The following DDIT3 variants were observed in gnomAD, a reference collection of about 807,000 sequenced individuals.
DDIT3 encodes the protein DNA damage-inducible transcript 3 protein.
In DDIT3, 14 loss-of-function variants were observed where a neutral mutation model predicts 17.6. That is an observed-to-expected ratio of 0.80 (90% confidence interval 0.53 to 1.25). DDIT3 has a LOEUF of 1.25. DDIT3 is among the 50% of genes most tolerant of loss of function. DDIT3 has a pLI of 0.00. For synonymous variants in DDIT3, 93 were observed against 76.5 expected, an observed-to-expected ratio of 1.22 and a Z score of -1.13; for missense variants, 216 against 202.7, an observed-to-expected ratio of 1.07 and a Z score of -0.40.
In DDIT3 at chr12:57,516,709, T is replaced by C. The variant is rs993628420; in HGVS notation, c.*100A>G. 6.5e-7 allele frequency: 1 copy of C among 1,539,064 alleles called. No homozygotes were observed. The highest frequency in any genetic ancestry group is 2.0e-5 in the Admixed American group (1 of 50,430). ...AGCCTTCCCCCTGCGTATGTGGGAT[T>C]GAGGGTCACATCATTGGCACTAGTG... On this transcript the variant is annotated 3_prime_UTR_variant, in exon 4 of 4. Coordinates refer to ENST00000346473, the MANE Select transcript of DDIT3 (RefSeq NM_004083.6).
chr12:57,517,183 T>C lies in DDIT3; in HGVS notation c.139-3A>G. On this transcript the variant is annotated splice_region_variant and splice_polypyrimidine_tract_variant and intron_variant, in intron 3 of 3. Coordinates refer to ENST00000346473, the MANE Select transcript of DDIT3 (RefSeq NM_004083.6). Reference sequence around the variant, plus strand: ...GTGGTGAAGATTTTTGATTCTTCCTTCAAGGAAATGAGGAAAGGGAACATA... The same window carrying C: ...GTGGTGAAGATTTTTGATTCTTCCTCCAAGGAAATGAGGAAAGGGAACATA... 6.2e-7 allele frequency: 1 copy of C among 1,607,176 alleles called. No individual in the cohort carries two copies. The highest frequency in any genetic ancestry group is 2.2e-5 in the East Asian group (1 of 44,736).
At chr12:57,517,800 G>T in intron 1 of DDIT3, 47 bp from the exon 2 acceptor site, 1 of 425,996 alleles carries the variant, frequency 2.3e-6, no homozygotes, top group Non-Finnish European at 4.1e-6. Flanking sequence ...AAGGGGGAGA[G>T]GCAACTTACT....
Position 57,516,657 on chromosome 12 carries a change from C to T in DDIT3, c.*152G>A, listed in dbSNP as rs1877860605. On this transcript the variant is annotated 3_prime_UTR_variant, in exon 4 of 4. Transcript: ENST00000346473. ...TAAATGTACAATCTCTATATACAAG[C>T]TGAGACCTTTCCTTTTGTCTACTCC... The T allele has an allele frequency of 1.3e-6, 2 of 1,524,244 alleles. No individual in the cohort carries two copies. The highest frequency in any genetic ancestry group is 4.5e-5 in the East Asian group (2 of 44,168). 94.4% of individuals were successfully genotyped at this position (1,524,244 alleles called of 1,614,324 possible). A position where few individuals can be genotyped will look rare whatever the true frequency, so the allele number is the denominator to read the frequency against.
At chr12:57,518,993 C>A (rs1403598340) in intron 1 of DDIT3, among the ~76,000 whole-genome samples, 1 of 152,148 alleles carries the variant, frequency 6.6e-6, no homozygotes, top group East Asian at 1.9e-4. Flanking sequence ...GTTTTTAAAA[C>A]CTTTGCTTAG....
chr12:57,519,350 A>G, intron 1 of DDIT3: 1 of 387,864 alleles, frequency 2.6e-6, no homozygotes, highest in Non-Finnish European at 5.1e-6. Context: ...CGTGGCACTT[A>G]TATTTTGTTT....
chr12:57,520,477 A>T lies in DDIT3; in HGVS notation c.-140T>A. ...TGTCGCTGCCACCCGCTCATCTTTA[A>T]CATGATACGCTCAGTGCCTTAGACT... On this transcript the variant is annotated 5_prime_UTR_variant, in exon 1 of 4. Transcript: ENST00000346473. The T allele has an allele frequency of 2.5e-6, 1 of 398,590 alleles. No homozygotes were observed. Among genetic ancestry groups the T allele is most frequent in the Non-Finnish European group, 4.4e-6 (1 of 226,108 alleles). 24.7% of individuals were successfully genotyped at this position (398,590 alleles called of 1,614,324 possible). A position where few individuals can be genotyped will look rare whatever the true frequency, so the allele number is the denominator to read the frequency against.
chr12:57,519,111 C>G, intron 1 of DDIT3: 1 of 532,298 alleles, frequency 1.9e-6, no homozygotes, highest in Non-Finnish European at 3.8e-6. Context: ...CCCATTTCTT[C>G]TCTTGCCACC....
Position 57,516,989 on chromosome 12 carries a change from A to G in DDIT3, c.330T>C (p.His110=). Residue 110 remains histidine (H), a synonymous_variant, in exon 4 of 4, where the codon CAT becomes CAC. Coordinates refer to ENST00000346473, the MANE Select transcript of DDIT3 (RefSeq NM_004083.6). ...GRTRKRKQSG[H]SPARAGKQRM... Reference sequence around the variant, plus strand: ...GCTGCTTTCCAGCCCGGGCTGGGGAATGACCACTCTGTTTCCGTTTCCTGG... The same window carrying G: ...GCTGCTTTCCAGCCCGGGCTGGGGAGTGACCACTCTGTTTCCGTTTCCTGG... 1 of 1,614,066 alleles carries G rather than the reference A, an allele frequency of 6.2e-7. No individual in the cohort carries two copies. Among genetic ancestry groups the G allele is most frequent in the Admixed American group, 1.7e-5 (1 of 60,010 alleles).
chr12:57,516,674 G>A lies in DDIT3; in HGVS notation c.*135C>T. 7.2e-6 allele frequency: 11 copies of A among 1,523,024 alleles called. No individual in the cohort carries two copies. Among genetic ancestry groups the A allele is most frequent in the Non-Finnish European group, 9.7e-6 (11 of 1,137,260 alleles). The allele number at this position is 1,523,024 out of a possible 1,614,324, so 94.3% of individuals were successfully genotyped here. ...TATACAAGCTGAGACCTTTCCTTTT[G>A]TCTACTCCAAGCCTTCCCCCTGCGT... is the stretch of plus-strand genomic sequence containing the variant. On this transcript the variant is annotated 3_prime_UTR_variant, in exon 4 of 4. Transcript: ENST00000346473.
chr12:57,520,487 C>A lies in DDIT3; in HGVS notation c.-150G>T, dbSNP rs538937263. ...ACCCGCTCATCTTTAACATGATACGCTCAGTGCCTTAGACTTAAGTCTCTG... is the reference window on the plus strand; with the variant it reads ...ACCCGCTCATCTTTAACATGATACGATCAGTGCCTTAGACTTAAGTCTCTG... On this transcript the variant is annotated 5_prime_UTR_variant, in exon 1 of 4. Transcript: ENST00000346473. 5 of 398,560 alleles carry A rather than the reference C, an allele frequency of 1.3e-5. No individual in the cohort carries two copies. Among genetic ancestry groups the A allele is most frequent in the Non-Finnish European group, 2.2e-5 (5 of 226,108 alleles). 24.7% of individuals were successfully genotyped at this position (398,560 alleles called of 1,614,324 possible). A position where few individuals can be genotyped will look rare whatever the true frequency, so the allele number is the denominator to read the frequency against.
chr12:57,519,628 T>C (rs1225317641), intron 1 of DDIT3, among the ~76,000 whole-genome samples: 6 of 152,196 alleles, frequency 3.9e-5, no homozygotes, highest in Non-Finnish European at 7.4e-5. Context: ...GTGTGGGACT[T>C]GGCTTTCATC....
chr12:57,518,654 A>C (rs1411926510), intron 1 of DDIT3, among the ~76,000 whole-genome samples: 1 of 152,076 alleles, frequency 6.6e-6, no homozygotes, highest in Non-Finnish European at 1.5e-5. Flanking sequence ...AGTACTAGCA[A>C]ATTTTAACTC....
intron 1 of DDIT3, among the ~76,000 whole-genome samples, chr12:57,518,093 T>C (rs922830491): frequency 6.6e-6 from 1 of 152,158 alleles, no homozygotes; most frequent in South Asian, 2.1e-4. Flanking sequence ...GCTGGGATTA[T>C]AGGCATGAGC....
chr12:57,517,655 A>G (rs920333599), intron 2 of DDIT3, 51 bp downstream of exon 2: 13 of 606,602 alleles, frequency 2.1e-5, no homozygotes, highest in African/African-American at 3.7e-5. Flanking sequence ...CATCTAAAAT[A>G]TTTACTGTCC....
rs1877870472 is a variant in DDIT3 at position 57,516,745 on chromosome 12, CAGT to C, written c.*61_*63del. 1.3e-5 allele frequency: 20 copies of C among 1,571,410 alleles called. No individual in the cohort carries two copies. The East Asian group carries it at 4.5e-4, about 35-fold the overall frequency. On this transcript the variant is annotated 3_prime_UTR_variant, in exon 4 of 4. Coordinates refer to ENST00000346473, the MANE Select transcript of DDIT3 (RefSeq NM_004083.6). ...TCATTGGCACTAGTGAGAGGGTAGT[CAGT>C]AGCCACTTCTGGGAAAGGTGGGTAG...
chr12:57,516,972 C>G lies in DDIT3; in HGVS notation c.347G>C (p.Gly116Ala), dbSNP rs1457449325. Reference sequence around the variant, plus strand: ...TTCTTTCTCCTTCATGCGCTGCTTTCCAGCCCGGGCTGGGGAATGACCACT... The same window carrying G: ...TTCTTTCTCCTTCATGCGCTGCTTTGCAGCCCGGGCTGGGGAATGACCACT... ...KQSGHSPARA[G>A]KQRMKEKEQE... The change falls in exon 4 of 4, where the codon GGA (glycine) becomes GCA (alanine). Residue 116 changes from glycine (G) to alanine (A), a missense_variant. By Grantham distance (60) the Gly-to-Ala change is moderately conservative (BLOSUM62 0). Coordinates refer to ENST00000346473, the MANE Select transcript of DDIT3 (RefSeq NM_004083.6). The G allele has an allele frequency of 5.6e-6, 9 of 1,614,036 alleles. No homozygotes were observed. The highest frequency in any genetic ancestry group is 3.3e-4 in the Middle Eastern group (2 of 6,084).
intron 1 of DDIT3, among the ~76,000 whole-genome samples, chr12:57,520,066 C>T (rs187144837): frequency 1.3e-5 from 2 of 152,334 alleles, no homozygotes; most frequent in African/African-American, 2.4e-5. Context: ...GCGATGGTCA[C>T]CCAGTCTTAG....
At position 57,516,838 on chromosome 12, in the gene DDIT3, C is replaced by G. The variant is rs1487685870; in HGVS notation, c.481G>C (p.Asp161His). 1.9e-6 allele frequency: 3 copies of G among 1,612,340 alleles called. No homozygotes were observed. The highest frequency in any genetic ancestry group is 2.5e-6 in the Non-Finnish European group (3 of 1,180,002). The change falls in exon 4 of 4, where the codon GAC (aspartate) becomes CAC (histidine). Residue 161 changes from aspartate (D) to histidine (H), a missense_variant. Physicochemically the swap from Asp to His is moderately conservative, Grantham distance 81. Transcript: ENST00000346473. ...GCTTGGTGCAGATTCACCATTCGGT[C>G]AATCAGAGCTCGGCGAGTCGCCTCT... ...EVEATRRALI[D>H]RMVNLHQA
At chr12:57,519,905 G>A (rs555617590) in intron 1 of DDIT3, among the ~76,000 whole-genome samples, 31 of 152,352 alleles carry the variant, frequency 2.0e-4, no homozygotes, top group African/African-American at 7.5e-4. Flanking sequence ...AAAGGCTTGT[G>A]TCTCCTCAAG....
Sources: allele counts gnomAD v4.1 joint callset (sites outside exome capture counted in the v4.1 genomes callset), GRCh38; gene constraint gnomAD v4.1.1; transcripts MANE v1.5; gene names NCBI Gene and HGNC (gene_info 2026-07-23, HGNC 2026-07-21).